The following RGL2 variants were observed in gnomAD, a reference collection of about 807,000 sequenced individuals.
The protein encoded by RGL2 is ral guanine nucleotide dissociation stimulator like 2, also known as ral guanine nucleotide dissociation stimulator-like 2.
In RGL2, 40 loss-of-function variants were observed where a neutral mutation model predicts 84.6. The observed-to-expected ratio is 0.47, with a 90% CI of 0.37 to 0.62. The LOEUF (loss-of-function observed/expected upper bound fraction) is 0.62, where lower values mean the gene tolerates loss of function less well. Ranked by LOEUF, RGL2 falls within the 20% of genes least tolerant of loss-of-function variation. The probability of loss-of-function intolerance (pLI) is 0.00; values close to 1 mark genes in which losing one functional copy is unlikely to be tolerated. For synonymous variants in RGL2, 369 were observed against 417.3 expected (o/e 0.88, Z 1.41); for missense variants, 865 against 1,019.7 (o/e 0.85, Z 2.07).
chr6:33,293,497 G>C lies in RGL2; in HGVS notation c.1632C>G (p.Thr544=). 6.2e-7 allele frequency: 1 copy of C among 1,614,050 alleles called. No homozygotes were observed. Among genetic ancestry groups the C allele is most frequent in the Non-Finnish European group, 8.5e-7 (1 of 1,179,956 alleles). ...TEVLGSVGVP[T]PLVSCDRPST... is the part of the protein sequence containing the mutation. ...TGGGCCGGTCACAGGACACAAGCGG[G>C]GTAGGGACCCCAACAGAGCCCAAAA... Residue 544 remains threonine, a synonymous_variant, in exon 15 of 18, where the codon ACC becomes ACG. Coordinates refer to ENST00000497454, the MANE Select transcript of RGL2 (RefSeq NM_004761.5). This position sits in a 1 kb window ranked among gnomAD's most constrained non-coding sequence, Gnocchi z 7.0.
rs1298841377 is a variant in RGL2, at chr6:33,298,521, C to A, written c.90G>T (p.Glu30Asp). The change falls in exon 2 of 18, where the codon GAG (glutamate) becomes GAT (aspartate). Residue 30 changes from glutamate (E) to aspartate (D), a missense_variant. This residue lies in a region of RGL2 where 10 missense variants were observed against 30.5 expected (regional missense o/e 0.33). Coordinates refer to ENST00000497454, the MANE Select transcript of RGL2 (RefSeq NM_004761.5). The surrounding 1 kb of genome is among the most constrained non-coding windows in gnomAD (Gnocchi z 4.8). ...LSSFRSRDPEEGGGPGGLVVG... is the reference protein window; with the variant it reads ...LSSFRSRDPEDGGGPGGLVVG... ...CGACCAGGCCACCTGGGCCCCCACC[C>A]TCTTCGGGGTCCCGGCTTCGGAAGC... 6.6e-6 allele frequency: 10 copies of A among 1,510,278 alleles called. No homozygotes were observed. The South Asian group carries it at 1.1e-4, about 17-fold the overall frequency. 93.6% of individuals were successfully genotyped at this position (1,510,278 alleles called of 1,614,324 possible). A position where few individuals can be genotyped will look rare whatever the true frequency, so the allele number is the denominator to read the frequency against.
rs1272911698 is a variant in RGL2 at position 33,291,820 on chromosome 6, G to A, written c.*282C>T. The A allele has an allele frequency of 1.7e-6, 1 of 577,058 alleles. No individual in the cohort carries two copies. The highest frequency in any genetic ancestry group is 1.9e-5 in the African/African-American group (1 of 53,424). The allele number at this position is 577,058 out of a possible 1,614,324, so 35.7% of individuals were successfully genotyped here. On this transcript the variant is annotated 3_prime_UTR_variant, in exon 18 of 18. Coordinates refer to ENST00000497454, the MANE Select transcript of RGL2 (RefSeq NM_004761.5). ...CTTGGCCCTTGCATGTTAGGATATG[G>A]CCAAGAATCAGAAACTGATGCGTTT... is the stretch of plus-strand genomic sequence containing the variant.
Position 33,295,119 on chromosome 6 carries a change from G to C in RGL2, c.1209+8C>G, listed in dbSNP as rs1158210242. ...GAGAGGTGGGAATGCCACAAACCAG[G>C]CTCTCACCTGCACGAGCAGCTCCCG... On this transcript the variant is annotated splice_region_variant and intron_variant, in intron 9 of 17. Transcript: ENST00000497454. The surrounding 1 kb of genome is among the most constrained non-coding windows in gnomAD (Gnocchi z 7.2). The C allele has an allele frequency of 6.2e-7, 1 of 1,605,616 alleles. No homozygotes were observed. Among genetic ancestry groups the C allele is most frequent in the African/African-American group, 1.3e-5 (1 of 74,780 alleles).
At position 33,297,085 on chromosome 6, in the gene RGL2, C is replaced by G; in HGVS notation, c.187G>C (p.Asp63His). Residue 63 changes from aspartate (D) to histidine (H), a missense_variant, in exon 3 of 18, where the codon GAT (aspartate) becomes CAT (histidine). Transcript: ENST00000497454. This position sits in a 1 kb window ranked among gnomAD's most constrained non-coding sequence, Gnocchi z 4.0. ...CTTGTGACGGTAAACACGGCACCAT[C>G]CTCCTCCTCATCCCAGACGGACACA... is the stretch of plus-strand genomic sequence containing the variant. ...APVSVWDEEE[D>H]GAVFTVTSRQ... The G allele has an allele frequency of 6.4e-7, 1 of 1,568,616 alleles. No homozygotes were observed. The highest frequency in any genetic ancestry group is 8.6e-7 in the Non-Finnish European group (1 of 1,160,558).
At chr6:33,299,579 C>T (rs1234339166), upstream of RGL2, 1 of 152,170 alleles carries the variant, frequency 6.6e-6, no homozygotes, top group African/African-American at 2.4e-5. The surrounding 1 kb of genome is among the most constrained non-coding windows in gnomAD (Gnocchi z 5.0). Context: ...AGTAGTGGCG[C>T]CCGCCCCGAA....
rs1356129487 is a variant in RGL2 at position 33,298,045 on chromosome 6, C to G, written c.156+410G>C. ...GAGAGGGAAGGAGGGGTCACGAAATCTGAGGGTTCCCTCCCCAATCCCAGA... is the reference window on the plus strand; with the variant it reads ...GAGAGGGAAGGAGGGGTCACGAAATGTGAGGGTTCCCTCCCCAATCCCAGA... On this transcript the variant is annotated intron_variant, in intron 2 of 17. Coordinates refer to ENST00000497454, the MANE Select transcript of RGL2 (RefSeq NM_004761.5). This position sits in a 1 kb window ranked among gnomAD's most constrained non-coding sequence, Gnocchi z 4.8. 1 of 156,432 alleles carries G rather than the reference C, an allele frequency of 6.4e-6. No homozygotes were observed. The highest frequency in any genetic ancestry group is 1.4e-5 in the Non-Finnish European group (1 of 70,780). 9.7% of individuals were successfully genotyped at this position (156,432 alleles called of 1,614,324 possible). A position where few individuals can be genotyped will look rare whatever the true frequency, so the allele number is the denominator to read the frequency against.
chr6:33,294,927 A>G lies in RGL2; in HGVS notation c.1278+50T>C. ...GCTGCTCCCCCAAAACATACTCCTC[A>G]CCCCTTCATAATCACCACCCCCACG... On this transcript the variant is annotated intron_variant, in intron 10 of 17. Coordinates refer to ENST00000497454, the MANE Select transcript of RGL2 (RefSeq NM_004761.5). The surrounding 1 kb of genome is among the most constrained non-coding windows in gnomAD (Gnocchi z 5.0). 1 of 1,537,082 alleles carries G rather than the reference A, an allele frequency of 6.5e-7. No individual in the cohort carries two copies. The highest frequency in any genetic ancestry group is 1.2e-5 in the South Asian group (1 of 83,634).
rs762949421 is a variant in RGL2 at position 33,296,187 on chromosome 6, GC to G, written c.608del (p.Gly203AlafsTer49). 5.0e-6 allele frequency: 8 copies of G among 1,613,042 alleles called. No individual in the cohort carries two copies. Among genetic ancestry groups the G allele is most frequent in the Admixed American group, 1.7e-5 (1 of 59,972 alleles). The part of the protein sequence containing the change: ...GYAAGKGVGG[G>X]SADLIRNLRS... The stretch of plus-strand genomic sequence containing the variant: ...GGAGATTGCGGATGAGGTCAGCGCT[GC>G]CCCCCCCAACACCCTTCCCTGCTGC... On this transcript the variant is annotated frameshift_variant, in exon 6 of 18. Coordinates refer to ENST00000497454, the MANE Select transcript of RGL2 (RefSeq NM_004761.5). LOFTEE classifies it high-confidence loss of function. This position sits in a 1 kb window ranked among gnomAD's most constrained non-coding sequence, Gnocchi z 5.0.
Position 33,294,152 on chromosome 6 carries a change from A to T in RGL2, c.1354-86T>A. On this transcript the variant is annotated intron_variant, in intron 11 of 17. Coordinates refer to ENST00000497454, the MANE Select transcript of RGL2 (RefSeq NM_004761.5). The surrounding 1 kb of genome is among the most constrained non-coding windows in gnomAD (Gnocchi z 5.0). ...AATATCCCCTCTCTTAAACACACAC[A>T]GCCACATCCAACTCACAACCACTTC... The T allele has an allele frequency of 6.7e-7, 1 of 1,489,914 alleles. No individual in the cohort carries two copies. Among genetic ancestry groups the T allele is most frequent in the African/African-American group, 1.4e-5 (1 of 72,116 alleles). The allele number at this position is 1,489,914 out of a possible 1,614,324, so 92.3% of individuals were successfully genotyped here. A position where few individuals can be genotyped will look rare whatever the true frequency, so the allele number is the denominator to read the frequency against.
chr6:33,298,170 CA>C lies in RGL2; in HGVS notation c.156+284del. The C allele has an allele frequency of 2.8e-6, 1 of 351,908 alleles. No homozygotes were observed. Among genetic ancestry groups the C allele is most frequent in the Non-Finnish European group, 5.3e-6 (1 of 190,052 alleles). 21.8% of individuals were successfully genotyped at this position (351,908 alleles called of 1,614,324 possible). A position where few individuals can be genotyped will look rare whatever the true frequency, so the allele number is the denominator to read the frequency against. ...ACACGACTGCTCAGAGAGGTAGGCA[CA>C]CTCAGGCAGGCAGAGGTGGAGGGCC... On this transcript the variant is annotated intron_variant, in intron 2 of 17. Coordinates refer to ENST00000497454, the MANE Select transcript of RGL2 (RefSeq NM_004761.5). The surrounding 1 kb of genome is among the most constrained non-coding windows in gnomAD (Gnocchi z 4.8).
rs750493218 is a variant in RGL2, at chr6:33,292,059, G to A, written c.*43C>T. The stretch of plus-strand genomic sequence containing the variant: ...CCATTCAGGATGGCTACCCACATCT[G>A]GTATGAACACCATGACTTCTGTAAG... On this transcript the variant is annotated 3_prime_UTR_variant, in exon 18 of 18. Transcript: ENST00000497454. 6.3e-7 allele frequency: 1 copy of A among 1,598,618 alleles called. No homozygotes were observed. Among genetic ancestry groups the A allele is most frequent in the Non-Finnish European group, 8.6e-7 (1 of 1,166,312 alleles).
upstream of RGL2, chr6:33,301,598 A>G (rs1183702670): frequency 1.6e-6 from 1 of 635,172 alleles, no homozygotes; most frequent in Non-Finnish European, 2.8e-6. Flanking sequence ...AAGAAAAATT[A>G]TCCCTTATAT....
chr6:33,292,408 C>T, intron 17 of RGL2, 22 bp downstream of exon 17: 2 of 1,608,262 alleles, frequency 1.2e-6, no homozygotes, highest in Non-Finnish European at 1.7e-6. Context: ...CCCGAGTCTG[C>T]CTTTCCCTCA....
rs773863334 is a variant in RGL2, at chr6:33,298,643, T to C, written c.-33A>G. 2.7e-4 allele frequency: 271 copies of C among 1,005,830 alleles called. No homozygotes were observed. The highest frequency in any genetic ancestry group is 8.1e-4 in the Middle Eastern group (2 of 2,484). The allele number at this position is 1,005,830 out of a possible 1,614,324, so 62.3% of individuals were successfully genotyped here. A position where few individuals can be genotyped will look rare whatever the true frequency, so the allele number is the denominator to read the frequency against. Reference sequence around the variant, plus strand: ...TGAAGGAATCAGCGGGGTCGGGCCATGGGGGCGCCTGGGGAGAGACGGGGT... The same window carrying C: ...TGAAGGAATCAGCGGGGTCGGGCCACGGGGGCGCCTGGGGAGAGACGGGGT... On this transcript the variant is annotated 5_prime_UTR_variant, in exon 2 of 18. It removes an upstream start codon present in the reference 5' UTR. Coordinates refer to ENST00000497454, the MANE Select transcript of RGL2 (RefSeq NM_004761.5). This position sits in a 1 kb window ranked among gnomAD's most constrained non-coding sequence, Gnocchi z 4.8.
At chr6:33,292,717 A>G (rs1375476762) in intron 16 of RGL2, among the ~76,000 whole-genome samples, 173 bp from the exon 17 acceptor site, 1 of 152,252 alleles carries the variant, frequency 6.6e-6, no homozygotes, top group Non-Finnish European at 1.5e-5. Flanking sequence ...CATGGTGCCC[A>G]GTGAAACAGA....
At position 33,296,371 on chromosome 6, in the gene RGL2, T is replaced by G; in HGVS notation, c.470+43A>C. 1 of 1,605,086 alleles carries G rather than the reference T, an allele frequency of 6.2e-7. No individual in the cohort carries two copies. Among genetic ancestry groups the G allele is most frequent in the Middle Eastern group, 1.7e-4 (1 of 6,004 alleles). ...AAGGGTGAGAGGTAAAGCTGCAGCC[T>G]GGGCAGAGGGGACTGTGAGATTAAG... is the stretch of plus-strand genomic sequence containing the variant. On this transcript the variant is annotated intron_variant, in intron 5 of 17. Transcript: ENST00000497454. This position sits in a 1 kb window ranked among gnomAD's most constrained non-coding sequence, Gnocchi z 5.0.
rs1440883456 is a variant in RGL2, at chr6:33,293,100, T to C, written c.1923A>G (p.Gly641=). ...ASGGTGYGGE[G]SGPGASDCRI... is the part of the protein sequence containing the mutation. ...GGCAATCAGAGGCCCCTGGCCCAGA[T>C]CCCTCTCCCCCATATCCAGTCCCCC... The change falls in exon 16 of 18, where the codon GGA becomes GGG. Residue 641 remains glycine (G), a synonymous_variant. Transcript: ENST00000497454. This position sits in a 1 kb window ranked among gnomAD's most constrained non-coding sequence, Gnocchi z 7.0. 6.2e-7 allele frequency: 1 copy of C among 1,614,154 alleles called. No individual in the cohort carries two copies. The highest frequency in any genetic ancestry group is 1.1e-5 in the South Asian group (1 of 91,084).
Position 33,292,088 on chromosome 6 carries a change from A to G in RGL2, c.*14T>C, listed in dbSNP as rs370640530. ...TGAACACCATGACTTCTGTAAGCCAACGGGGCTTCCTCCTCAGAACAGTGC... is the reference window on the plus strand; with the variant it reads ...TGAACACCATGACTTCTGTAAGCCAGCGGGGCTTCCTCCTCAGAACAGTGC... On this transcript the variant is annotated 3_prime_UTR_variant, in exon 18 of 18. Coordinates refer to ENST00000497454, the MANE Select transcript of RGL2 (RefSeq NM_004761.5). The G allele has an allele frequency of 5.3e-5, 85 of 1,613,976 alleles. No individual in the cohort carries two copies. In the African/African-American group the frequency reaches 8.0e-4, roughly 15 times the overall value.
In RGL2 at chr6:33,292,167, C is replaced by T; in HGVS notation, c.2269G>A (p.Gly757Arg). The T allele has an allele frequency of 6.2e-7, 1 of 1,614,228 alleles. No individual in the cohort carries two copies. Among genetic ancestry groups the T allele is most frequent in the Non-Finnish European group, 8.5e-7 (1 of 1,180,044 alleles). ...PSASGTPPSE[G>R]GGGSFPRIKA... ...ATCCTGGGAAAGGAGCCCCCTCCTC[C>T]CTCACTCGGAGGAGTTCCTGAGGCA... The change falls in exon 18 of 18, where the codon GGA becomes AGA. Residue 757 changes from glycine (G) to arginine (R), a missense_variant. By Grantham distance (125) the Gly-to-Arg change is moderately radical (BLOSUM62 -2). This residue lies in a region of RGL2 where 302 missense variants were observed against 327.9 expected (regional missense o/e 0.92). Coordinates refer to ENST00000497454, the MANE Select transcript of RGL2 (RefSeq NM_004761.5).
Sources: allele counts gnomAD v4.1 joint callset (sites outside exome capture counted in the v4.1 genomes callset), GRCh38; gene constraint gnomAD v4.1.1; regional missense constraint gnomAD v4.1.1; non-coding constraint Gnocchi (gnomAD v3.1); transcripts MANE v1.5; gene names NCBI Gene and HGNC (gene_info 2026-07-23, HGNC 2026-07-21).